Variants in PAK3 observed in about 807,000 individuals in gnomAD.
The protein encoded by PAK3 is serine/threonine-protein kinase PAK 3.
PAK3 carries 4 observed loss-of-function variants against 41.0 expected under a neutral mutation model. The ratio of observed to expected loss-of-function variants is 0.10; its 90% confidence interval spans 0.05 to 0.22. The LOEUF is 0.22. Ranked by LOEUF, PAK3 falls within the 10% of genes least tolerant of loss-of-function variation. PAK3 has a pLI of 1.00. For missense variants in PAK3, 205 were observed against 409.9 expected, an observed-to-expected ratio of 0.50 and a Z score of 4.32; for synonymous variants, 146 against 139.6, an observed-to-expected ratio of 1.05 and a Z score of -0.32.
At chrX:111,155,013 A>T in intron 8 of PAK3, among the ~76,000 whole-genome samples, 1 of 111,790 alleles carries the variant, frequency 8.9e-6, no homozygotes, top group Non-Finnish European at 1.9e-5. Flanking sequence ...GTAGAATTAA[A>T]ATGAAGTCTA....
chrX:111,174,298 G>A (rs950231896), intron 11 of PAK3, among the ~76,000 whole-genome samples: 23 of 111,030 alleles, frequency 2.1e-4, no homozygotes, highest in East Asian at 8.5e-4. Context: ...TTCATTAGAC[G>A]TTTGGGCTAG....
chrX:111,044,044 T>A (rs1442951692), intron 1 of PAK3, among the ~76,000 whole-genome samples: 2 of 112,082 alleles, frequency 1.8e-5, no homozygotes, highest in Non-Finnish European at 3.8e-5. Context: ...AGAAGATTTT[T>A]AAAAAACAGA....
At chrX:111,174,382 C>T (rs2094382905) in intron 11 of PAK3, among the ~76,000 whole-genome samples, 1 of 111,036 alleles carries the variant, frequency 9.0e-6, no homozygotes, top group Admixed American at 9.6e-5. Context: ...GGGACAGAAA[C>T]TCAGGAAGAA....
chrX:111,117,584 A>G (rs1054830689), intron 4 of PAK3, among the ~76,000 whole-genome samples: 2 of 112,036 alleles, frequency 1.8e-5, no homozygotes, highest in Non-Finnish European at 3.8e-5. Flanking sequence ...ACTACTTGGC[A>G]GTTAGACTAG....
At chrX:110,958,226 C>T (rs1330507571) in intron 1 of PAK3, among the ~76,000 whole-genome samples, 4 of 111,939 alleles carry the variant, frequency 3.6e-5, no homozygotes, top group East Asian at 2.8e-4. Context: ...TCAATGAGGT[C>T]GGAGACCATG....
chrX:111,076,217 G>A (rs1385940099), intron 1 of PAK3, among the ~76,000 whole-genome samples: 1 of 111,415 alleles, frequency 9.0e-6, no homozygotes, highest in African/African-American at 3.3e-5. Context: ...AAGGATGTGA[G>A]ATTTGAGGGG....
At chrX:111,002,657 C>T (rs1031700194) in intron 1 of PAK3, among the ~76,000 whole-genome samples, 3 of 111,306 alleles carry the variant, frequency 2.7e-5, no homozygotes, top group African/African-American at 6.5e-5. Flanking sequence ...CCAGAATAGC[C>T]GTCACCCACT....
chrX:111,120,450 G>A (rs1177858622), intron 4 of PAK3, among the ~76,000 whole-genome samples: 2 of 111,870 alleles, frequency 1.8e-5, no homozygotes, highest in Non-Finnish European at 3.8e-5. Flanking sequence ...GAACAAAAAA[G>A]GCCACTCTGT....
intron 4 of PAK3, among the ~76,000 whole-genome samples, chrX:111,113,622 CT>C (rs1055798221): frequency 1.8e-5 from 2 of 111,754 alleles, no homozygotes; most frequent in African/African-American, 6.5e-5. Context: ...ATATGACATA[CT>C]TTTTTTAAAT....
At chrX:111,061,584 C>A (rs1447456702) in intron 1 of PAK3, among the ~76,000 whole-genome samples, 1 of 111,620 alleles carries the variant, frequency 9.0e-6, no homozygotes, top group Non-Finnish European at 1.9e-5. Flanking sequence ...AATTTATATC[C>A]TTAACATAAT....
intron 1 of PAK3, among the ~76,000 whole-genome samples, chrX:111,053,930 T>TAA (rs2092582618): frequency 8.9e-6 from 1 of 112,468 alleles, no homozygotes; most frequent in Non-Finnish European, 1.9e-5. Context: ...ACATTAGCTG[T>TAA]GATACACACT....
At chrX:111,033,052 G>A (rs2092357259) in intron 1 of PAK3, among the ~76,000 whole-genome samples, 2 of 111,389 alleles carry the variant, frequency 1.8e-5, no homozygotes, top group African/African-American at 3.3e-5. Context: ...TAGATATGCT[G>A]GCCCTGAAAC....
chrX:111,178,976 T>TAGAGAGAGAGAGAGAG (rs199904867), intron 11 of PAK3, among the ~76,000 whole-genome samples: 14 of 96,119 alleles, frequency 1.5e-4, no homozygotes, highest in African/African-American at 5.9e-4. Flanking sequence ...TATATATATA[T>TAGAGAGAGAGAGAGAG]ATATAGAGAG....
intron 1 of PAK3, among the ~76,000 whole-genome samples, chrX:110,967,253 A>T (rs1436942999): frequency 8.8e-6 from 1 of 113,186 alleles, no homozygotes; most frequent in Non-Finnish European, 1.9e-5. Context: ...CAGATCAGGG[A>T]CTACGAGTGC....
At chrX:111,071,442 G>C (rs190517843) in intron 1 of PAK3, among the ~76,000 whole-genome samples, 6 of 111,911 alleles carry the variant, frequency 5.4e-5, no homozygotes, top group Non-Finnish European at 3.8e-5. Context: ...TGAGAGAATA[G>C]AGATAATGTA....
intron 1 of PAK3, among the ~76,000 whole-genome samples, chrX:110,957,872 C>T (rs950231218): frequency 4.5e-5 from 5 of 111,433 alleles, no homozygotes; most frequent in African/African-American, 1.3e-4. Flanking sequence ...TTATTATAAG[C>T]GAAACAGACA....
At chrX:111,107,218 C>T (rs1340041146) in intron 4 of PAK3, among the ~76,000 whole-genome samples, 1 of 112,001 alleles carries the variant, frequency 8.9e-6, no homozygotes, top group Non-Finnish European at 1.9e-5. Context: ...CCACCAGGCA[C>T]CTCTAATCTA....
intron 11 of PAK3, among the ~76,000 whole-genome samples, chrX:111,185,415 T>C (rs112870654): frequency 0.19 from 21,343 of 111,081 alleles, 4,511 homozygotes; most frequent in African/African-American, 0.62. Context: ...TTCTATTTGT[T>C]AATTTTGGCT....
chrX:111,022,851 C>T (rs1349309683), intron 1 of PAK3, among the ~76,000 whole-genome samples: 3 of 110,610 alleles, frequency 2.7e-5, no homozygotes, highest in African/African-American at 9.9e-5. Flanking sequence ...AAAGATATTC[C>T]ATGCAAACGG....
Sources: gnomAD v4.1 joint callset for allele counts (sites outside exome capture counted in the v4.1 genomes callset) on GRCh38, gnomAD v4.1.1 for gene constraint, MANE v1.5 for transcripts, NCBI Gene and HGNC (gene_info 2026-07-23, HGNC 2026-07-21) for gene names.